NEK10: variants seen among roughly 807,000 people sequenced by gnomAD.
NEK10 encodes the protein NIMA related kinase 10, also known as serine/threonine-protein kinase Nek10.
NEK10 carries 122 observed loss-of-function variants against 159.8 expected under a neutral mutation model. The ratio of observed to expected loss-of-function variants is 0.76; its 90% CI spans 0.66 to 0.89. The LOEUF is 0.89. Among genes scored for constraint, NEK10 ranks in the 40% least tolerant of loss-of-function variants. The pLI is 0.00. For synonymous variants in NEK10, 466 were observed against 457.1 expected (o/e 1.02, Z -0.25); for missense variants, 1,342 against 1,323.1 (o/e 1.01, Z -0.22).
chr3:27,154,884 G>A (rs1445217746), intron 30 of NEK10, among the ~76,000 whole-genome samples: 3 of 152,080 alleles, frequency 2.0e-5, no homozygotes, highest in Non-Finnish European at 2.9e-5. Context: ...CTGAGAACTG[G>A]AACAAGACAA....
chr3:27,361,353 C>T (rs954624617), intron 1 of NEK10, among the ~76,000 whole-genome samples: 2 of 152,040 alleles, frequency 1.3e-5, no homozygotes, highest in African/African-American at 4.8e-5. Context: ...AGCAAATGAA[C>T]CTGAGACTTA....
At chr3:27,287,233 C>G (rs1423188386) in intron 20 of NEK10, among the ~76,000 whole-genome samples, 6 of 151,884 alleles carry the variant, frequency 4.0e-5, no homozygotes, top group African/African-American at 1.5e-4. Context: ...AGCCTGGCTG[C>G]CAGAATCAGT....
intron 33 of NEK10, among the ~76,000 whole-genome samples, 154 bp from the exon 34 acceptor site, chr3:27,116,281 T>C (rs1940413241): frequency 6.6e-6 from 1 of 152,236 alleles, no homozygotes; most frequent in Admixed American, 6.5e-5. Flanking sequence ...TGCCTTGGCT[T>C]TGAATATTCA....
chr3:27,169,798 T>A (rs531300955), intron 29 of NEK10, among the ~76,000 whole-genome samples: 4 of 152,150 alleles, frequency 2.6e-5, no homozygotes, highest in Non-Finnish European at 5.9e-5. Context: ...ACCTGCTCCC[T>A]TCAGCAAGCA....
intron 1 of NEK10, among the ~76,000 whole-genome samples, chr3:27,359,498 C>T (rs1172373241): frequency 2.0e-5 from 3 of 152,280 alleles, no homozygotes; most frequent in South Asian, 2.1e-4. Context: ...AGCCCCATAA[C>T]TAACTAGAAG....
chr3:27,242,916 T>C (rs1482062318), intron 23 of NEK10, among the ~76,000 whole-genome samples: 1 of 152,344 alleles, frequency 6.6e-6, no homozygotes, highest in South Asian at 2.1e-4. Context: ...GGTTTTAAAA[T>C]GGTTGAGTAT....
chr3:27,112,414 G>A (rs569487862), intron 35 of NEK10, among the ~76,000 whole-genome samples: 5 of 152,240 alleles, frequency 3.3e-5, no homozygotes, highest in East Asian at 1.9e-4. Context: ...GAATAACACC[G>A]AAATTATATA....
At chr3:27,300,577 C>T (rs2043734631) in intron 13 of NEK10, among the ~76,000 whole-genome samples, 1 of 152,148 alleles carries the variant, frequency 6.6e-6, no homozygotes, top group Non-Finnish European at 1.5e-5. Flanking sequence ...CTGTAACCAT[C>T]CTCCACCCAG....
chr3:27,197,556 A>G (rs1291161483), intron 25 of NEK10, among the ~76,000 whole-genome samples: 1 of 152,028 alleles, frequency 6.6e-6, no homozygotes, highest in Non-Finnish European at 1.5e-5. Flanking sequence ...AGGCCTTAAG[A>G]CTGTAGATTT....
intron 23 of NEK10, among the ~76,000 whole-genome samples, chr3:27,235,048 C>T (rs1034208169): frequency 2.0e-5 from 3 of 152,028 alleles, no homozygotes; most frequent in Middle Eastern, 3.4e-3. Context: ...GTGCTGGGAT[C>T]ACTGGCTAGC....
intron 31 of NEK10, among the ~76,000 whole-genome samples, chr3:27,132,978 T>C (rs986311437): frequency 6.6e-6 from 1 of 152,198 alleles, no homozygotes; most frequent in African/African-American, 2.4e-5. Context: ...AACCCTGCTC[T>C]ATTTTCTAGG....
intron 5 of NEK10, among the ~76,000 whole-genome samples, chr3:27,331,810 T>C (rs1031658469): frequency 5.9e-5 from 9 of 152,238 alleles, no homozygotes; most frequent in East Asian, 1.9e-4. Context: ...TTTTCTCTTA[T>C]ACATCGTGGA....
At chr3:27,185,161 C>T (rs1253668504) in intron 26 of NEK10, among the ~76,000 whole-genome samples, 2 of 152,038 alleles carry the variant, frequency 1.3e-5, no homozygotes, top group Admixed American at 6.6e-5. Context: ...ATAATATTTG[C>T]TAATAATTGC....
At chr3:27,220,247 A>T (rs1262167010) in intron 23 of NEK10, among the ~76,000 whole-genome samples, 2 of 152,200 alleles carry the variant, frequency 1.3e-5, no homozygotes, top group East Asian at 1.9e-4. Context: ...CTGGACTAAA[A>T]TCAAGGTTTT....
At chr3:27,259,461 T>C (rs1489504160) in intron 22 of NEK10, among the ~76,000 whole-genome samples, 2 of 152,220 alleles carry the variant, frequency 1.3e-5, no homozygotes, top group African/African-American at 4.8e-5. Flanking sequence ...CCCAGCACCG[T>C]TTATTAAATA....
At position 27,293,787 on chromosome 3, in the gene NEK10, C is replaced by T; in HGVS notation, c.1309-135G>A. 5.4e-6 allele frequency: 3 copies of T among 553,690 alleles called. No homozygotes were observed. The African/African-American group carries it at 5.7e-5, about 10-fold the overall frequency. 34.3% of individuals were successfully genotyped at this position (553,690 alleles called of 1,614,324 possible). On this transcript the variant is annotated intron_variant, in intron 15 of 35. Transcript: ENST00000691995. ...CTGGTCCAAGTTGGAGCCAAAGCTT[C>T]TAACTGAAAACAAAAAACACCAACA...
At chr3:27,286,513 G>A (rs1023451642) in intron 20 of NEK10, among the ~76,000 whole-genome samples, 1 of 147,166 alleles carries the variant, frequency 6.8e-6, no homozygotes, top group Admixed American at 6.9e-5. Flanking sequence ...TCCCAAGTAG[G>A]TGGGATTACA....
At chr3:27,348,207 C>G (rs1284267392) in intron 3 of NEK10, among the ~76,000 whole-genome samples, 2 of 152,080 alleles carry the variant, frequency 1.3e-5, no homozygotes, top group African/African-American at 4.8e-5. Flanking sequence ...AGTAGGTTTT[C>G]CAGGCCCAAG....
chr3:27,269,357 ATC>A (rs897527079), intron 22 of NEK10, among the ~76,000 whole-genome samples: 16 of 152,186 alleles, frequency 1.1e-4, no homozygotes, highest in Admixed American at 2.6e-4. Flanking sequence ...AGAAGAGACA[ATC>A]TCTGCAGCAA....
Sources: gnomAD v4.1 joint callset for allele counts (sites outside exome capture counted in the v4.1 genomes callset) on GRCh38, gnomAD v4.1.1 for gene constraint, MANE v1.5 for transcripts, NCBI Gene and HGNC (gene_info 2026-07-23, HGNC 2026-07-21) for gene names.